The following DOK5 variants were observed in gnomAD, a reference collection of about 807,000 sequenced individuals.
DOK5 encodes docking protein 5, also known as downstream of tyrosine kinase 5.
In DOK5, 27 loss-of-function variants were observed where a neutral mutation model predicts 43.3. That is an observed-to-expected ratio of 0.62 (90% confidence interval 0.46 to 0.86). DOK5 has a LOEUF of 0.86. Among genes scored for constraint, DOK5 ranks in the 40% least tolerant of loss-of-function variants. The pLI, the probability that DOK5 is intolerant of heterozygous loss-of-function variation, is 0.00. For synonymous variants in DOK5, 146 were observed against 140.1 expected (o/e 1.04, Z -0.30); for missense variants, 373 against 392.9 (o/e 0.95, Z 0.43).
At chr20:54,581,391 GAA>G (rs59020203) in intron 2 of DOK5, among the ~76,000 whole-genome samples, 13,184 of 140,658 alleles carry the variant, frequency 0.094, 1,031 homozygotes, top group African/African-American at 0.21. Context: ...TCCTATTTCT[GAA>G]AAAAAAAAAA....
intron 2 of DOK5, among the ~76,000 whole-genome samples, chr20:54,584,714 C>CGT (rs967507215): frequency 4.1e-5 from 6 of 145,946 alleles, no homozygotes; most frequent in African/African-American, 1.0e-4. Flanking sequence ...AATATGTACT[C>CGT]GTGTGTGTGT....
At chr20:54,516,902 G>A (rs550401303) in intron 1 of DOK5, among the ~76,000 whole-genome samples, 1 of 152,222 alleles carries the variant, frequency 6.6e-6, no homozygotes, top group South Asian at 2.1e-4. Context: ...TTTAAAACAG[G>A]TTTTTCTCAG....
At chr20:54,519,886 A>T (rs1255797327) in intron 1 of DOK5, among the ~76,000 whole-genome samples, 2 of 152,198 alleles carry the variant, frequency 1.3e-5, no homozygotes, top group Non-Finnish European at 2.9e-5. Context: ...TCTGTGGCAA[A>T]TTTGACTCCA....
intron 1 of DOK5, among the ~76,000 whole-genome samples, chr20:54,543,591 G>C (rs183071174): frequency 4.6e-5 from 7 of 151,378 alleles, no homozygotes; most frequent in Admixed American, 1.3e-4. Flanking sequence ...GTGTGAGAGA[G>C]AGAAAGAAAG....
intron 6 of DOK5, among the ~76,000 whole-genome samples, chr20:54,619,487 C>G (rs1457361590): frequency 6.6e-6 from 1 of 152,160 alleles, no homozygotes; most frequent in Non-Finnish European, 1.5e-5. Context: ...TTTAGACTTT[C>G]CTTCAAGGCG....
intron 6 of DOK5, among the ~76,000 whole-genome samples, chr20:54,612,253 C>T (rs1264427346): frequency 6.6e-6 from 1 of 152,188 alleles, no homozygotes; most frequent in East Asian, 1.9e-4. Flanking sequence ...TGGAAAAGAG[C>T]AAGTGCCTGC....
At chr20:54,536,201 G>A (rs760648034) in intron 1 of DOK5, among the ~76,000 whole-genome samples, 57 of 152,266 alleles carry the variant, frequency 3.7e-4, no homozygotes, top group Non-Finnish European at 7.4e-4. Context: ...ATTTGTGGAG[G>A]CCTAGGGGGT....
intron 7 of DOK5, among the ~76,000 whole-genome samples, chr20:54,645,571 C>G (rs1354770705): frequency 6.6e-6 from 1 of 152,152 alleles, no homozygotes; most frequent in Non-Finnish European, 1.5e-5. Flanking sequence ...CCAGGTCTCA[C>G]CTCCAGCGCC....
Position 54,486,265 on chromosome 20 carries a change from T to C in DOK5, c.66+10253T>C, listed in dbSNP as rs1228377472. Among the ~76,000 whole-genome samples, 3 of 152,272 alleles carry C rather than the reference T, an allele frequency of 2.0e-5. No individual in the cohort carries two copies. The East Asian group carries it at 5.8e-4, about 29-fold the overall frequency. On this transcript the variant is annotated intron_variant, in intron 1 of 7. Coordinates refer to ENST00000262593, the MANE Select transcript of DOK5 (RefSeq NM_018431.5). ...GTCTTTTCTTCATTGAGCATTTTCA[T>C]GTCTTCGCCTGGGTCCTCTATTCTG...
At chr20:54,498,455 G>T (rs1334674664) in intron 1 of DOK5, among the ~76,000 whole-genome samples, 1 of 152,190 alleles carries the variant, frequency 6.6e-6, no homozygotes, top group African/African-American at 2.4e-5. Context: ...ATGGGATTTG[G>T]ATTAATCTGC....
chr20:54,646,246 C>CTGTTT (rs1164975218), intron 7 of DOK5, among the ~76,000 whole-genome samples: 2 of 80,676 alleles, frequency 2.5e-5, no homozygotes, highest in Non-Finnish European at 4.9e-5. Flanking sequence ...ACTGGTTATA[C>CTGTTT]TGTTTTTTTT....
At chr20:54,516,283 A>G (rs985985152) in intron 1 of DOK5, among the ~76,000 whole-genome samples, 5 of 152,202 alleles carry the variant, frequency 3.3e-5, no homozygotes, top group Non-Finnish European at 5.9e-5. Flanking sequence ...GAATTTGAAA[A>G]TGATGTGGGG....
At chr20:54,497,042 G>A (rs914899992) in intron 1 of DOK5, among the ~76,000 whole-genome samples, 1 of 152,110 alleles carries the variant, frequency 6.6e-6, no homozygotes, top group Admixed American at 6.5e-5. Flanking sequence ...TTCTGGACAC[G>A]TTACTTAACC....
intron 6 of DOK5, among the ~76,000 whole-genome samples, chr20:54,629,891 C>T (rs1978483084): frequency 6.6e-6 from 1 of 152,194 alleles, no homozygotes; most frequent in Admixed American, 6.5e-5. Flanking sequence ...TTTGCGTGTG[C>T]ATGTGCAAAG....
At chr20:54,638,885 G>A (rs980396883) in intron 6 of DOK5, among the ~76,000 whole-genome samples, 9 of 150,586 alleles carry the variant, frequency 6.0e-5, no homozygotes, top group African/African-American at 1.5e-4. Context: ...TTTCAACCAT[G>A]TTGGCCAGGC....
chr20:54,520,470 T>C (rs1216047698), intron 1 of DOK5, among the ~76,000 whole-genome samples: 1 of 152,060 alleles, frequency 6.6e-6, no homozygotes. Flanking sequence ...ATCATACCAC[T>C]CCTCTGCTCA....
intron 1 of DOK5, among the ~76,000 whole-genome samples, chr20:54,509,336 G>A (rs565431543): frequency 1.2e-4 from 19 of 152,196 alleles, no homozygotes; most frequent in African/African-American, 3.4e-4. Context: ...GACTACAGTC[G>A]TGCACCACTG....
chr20:54,646,874 A>C (rs376325337), intron 7 of DOK5, among the ~76,000 whole-genome samples: 21 of 146,200 alleles, frequency 1.4e-4, no homozygotes, highest in African/African-American at 5.4e-4. Flanking sequence ...CAATTCACCT[A>C]CATTGATGAA....
rs1235351414 is a variant in DOK5, at chr20:54,591,640, C to A, written c.434C>A (p.Pro145Gln). 3.1e-6 allele frequency: 5 copies of A among 1,609,962 alleles called. No homozygotes were observed. The stretch of plus-strand genomic sequence containing the variant: ...GAGAGATTCAATGTGTATTTGATGC[C>A]ATCTCCTAACTTAGATGTACATGGC... Reference protein sequence around the residue: ...QSERFNVYLMPSPNLDVHGEC... With the variant: ...QSERFNVYLMQSPNLDVHGEC... Residue 145 changes from proline (P) to glutamine (Q), a missense_variant, in exon 5 of 8, where the codon CCA becomes CAA. Physicochemically the swap from Pro to Gln is moderately conservative, Grantham distance 76. Transcript: ENST00000262593.
Sources: gnomAD v4.1 joint callset for allele counts (sites outside exome capture counted in the v4.1 genomes callset) on GRCh38, gnomAD v4.1.1 for gene constraint, MANE v1.5 for transcripts, NCBI Gene and HGNC (gene_info 2026-07-23, HGNC 2026-07-21) for gene names.